The following WDR64 variants were observed in gnomAD, a reference collection of about 807,000 sequenced individuals.
The protein encoded by WDR64 is WD repeat-containing protein 64.
Under a neutral mutation model 139.3 loss-of-function variants are expected in WDR64, and 112 were observed. That is an observed-to-expected ratio of 0.80 (90% CI 0.69 to 0.94). WDR64 has a LOEUF of 0.94. Ranked by LOEUF, WDR64 falls within the 40% of genes least tolerant of loss-of-function variation. The pLI is 0.00. For synonymous variants in WDR64, 444 were observed against 437.7 expected (o/e 1.01, Z -0.18); for missense variants, 1,206 against 1,293.1 (o/e 0.93, Z 1.03).
At position 241,744,418 on chromosome 1, in the gene WDR64, A is replaced by G. The variant is rs1264103612; in HGVS notation, c.1496A>G (p.Gln499Arg). The G allele has an allele frequency of 1.9e-6, 3 of 1,614,156 alleles. No homozygotes were observed. Among genetic ancestry groups the G allele is most frequent in the Admixed American group, 3.3e-5 (2 of 60,008 alleles). ...GTATGGGAACTCGAGACTGGGCTCCAAGTATACCAGATTTTAGAACCTCAT... is the reference window on the plus strand; with the variant it reads ...GTATGGGAACTCGAGACTGGGCTCCGAGTATACCAGATTTTAGAACCTCAT... ...IRVWELETGL[Q>R]VYQILEPHGF... The change falls in exon 13 of 28, where the codon CAA becomes CGA. Residue 499 changes from glutamine to arginine, a missense_variant. Gln to Arg is a conservative substitution (Grantham distance 43, BLOSUM62 1). Coordinates refer to ENST00000437684, the MANE Select transcript of WDR64 (RefSeq NM_001367482.1).
Position 241,687,607 on chromosome 1 carries a change from A to G in WDR64, c.974+12A>G, listed in dbSNP as rs755288942. 1.2e-5 allele frequency: 20 copies of G among 1,607,304 alleles called. No individual in the cohort carries two copies. The highest frequency in any genetic ancestry group is 1.7e-4 in the Middle Eastern group (1 of 5,976). ...CTCGAGGATAATTTGTAAGTATAGT[A>G]ATTTATATACATGAACAGTCTGTGA... On this transcript the variant is annotated intron_variant, in intron 8 of 27. Coordinates refer to ENST00000437684, the MANE Select transcript of WDR64 (RefSeq NM_001367482.1).
intron 1 of WDR64, among the ~76,000 whole-genome samples, chr1:241,653,543 C>CTTTTTTTTT (rs33934176): frequency 7.3e-6 from 1 of 137,120 alleles, no homozygotes; most frequent in African/African-American, 2.7e-5. Context: ...CTTTTCTTTT[C>CTTTTTTTTT]TTTTTTTTTT....
At chr1:241,660,737 T>A in intron 2 of WDR64, 77 bp downstream of exon 2, 2 of 1,491,802 alleles carry the variant, frequency 1.3e-6, no homozygotes, top group Non-Finnish European at 1.8e-6. Flanking sequence ...TAAAACAAAG[T>A]GTTACTGCCA....
chr1:241,769,495 G>A lies in WDR64; in HGVS notation c.2173G>A (p.Glu725Lys), dbSNP rs1469826567. 1.3e-6 allele frequency: 2 copies of A among 1,551,064 alleles called. No individual in the cohort carries two copies. Among genetic ancestry groups the A allele is most frequent in the African/African-American group, 2.7e-5 (2 of 73,034 alleles). ...NDILFLFRTP[E>K]CARRSSQDSI... ...CATACTGTTCCTCTTTCGTACCCCT[G>A]AATGTGCAAGGTAACTCGTTACTTA... The change falls in exon 17 of 28, where the codon GAA becomes AAA. Residue 725 changes from glutamate to lysine, a missense_variant. Glu to Lys is a moderately conservative substitution (Grantham distance 56, BLOSUM62 1). Coordinates refer to ENST00000437684, the MANE Select transcript of WDR64 (RefSeq NM_001367482.1).
chr1:241,685,594 A>G (rs565699243), intron 7 of WDR64, among the ~76,000 whole-genome samples: 2 of 152,362 alleles, frequency 1.3e-5, no homozygotes, highest in African/African-American at 4.8e-5. Flanking sequence ...AGACATTAAA[A>G]AATGGATTAT....
chr1:241,787,271 G>A lies in WDR64; in HGVS notation c.2706-578G>A, dbSNP rs1659071071. Among the ~76,000 whole-genome samples the A allele has an allele frequency of 2.7e-5, 4 of 150,894 alleles. No homozygotes were observed. In the South Asian group the frequency reaches 8.4e-4, roughly 32 times the overall value. On this transcript the variant is annotated intron_variant, in intron 23 of 27. Transcript: ENST00000437684. ...CCCAGCTACTCGGGAGGCTGAGGCA[G>A]GAGAATGGCATGAACCCAGGAGGCG... is the stretch of plus-strand genomic sequence containing the variant.
chr1:241,698,848 C>G (rs1467018203), intron 8 of WDR64, among the ~76,000 whole-genome samples: 1 of 152,114 alleles, frequency 6.6e-6, no homozygotes, highest in Non-Finnish European at 1.5e-5. Context: ...AAGGACATAC[C>G]CAAGACTGGG....
chr1:241,686,965 T>C (rs1667026875), intron 7 of WDR64, among the ~76,000 whole-genome samples: 1 of 152,214 alleles, frequency 6.6e-6, no homozygotes, highest in African/African-American at 2.4e-5. Context: ...TTGAAGAGTC[T>C]TTTAAAGTTA....
At position 241,746,472 on chromosome 1, in the gene WDR64, G is replaced by C. The variant is rs184161944; in HGVS notation, c.1594+1956G>C. 3.2e-4 allele frequency among the ~76,000 whole-genome samples: 49 copies of C among 151,972 alleles called. 1 individual carries two copies. In the East Asian group the frequency reaches 8.9e-3, roughly 28 times the overall value. On this transcript the variant is annotated intron_variant, in intron 13 of 27. Coordinates refer to ENST00000437684, the MANE Select transcript of WDR64 (RefSeq NM_001367482.1). ...GAATGAAGTTAACAATAAAGAAAGT[G>C]TCTCCATCCATTTGAGCTGCTACAA...
At chr1:241,655,567 T>C (rs1188014448) in intron 1 of WDR64, among the ~76,000 whole-genome samples, 1 of 152,176 alleles carries the variant, frequency 6.6e-6, no homozygotes, top group East Asian at 1.9e-4. Context: ...TCAGCCCAGC[T>C]TTTCAGTCTC....
intron 8 of WDR64, among the ~76,000 whole-genome samples, chr1:241,705,409 G>A (rs998783450): frequency 6.6e-6 from 1 of 151,650 alleles, no homozygotes; most frequent in Non-Finnish European, 1.5e-5. Flanking sequence ...GGGCATGGTG[G>A]CGGGCGCCTG....
intron 2 of WDR64, among the ~76,000 whole-genome samples, chr1:241,661,088 T>C (rs1665814747): frequency 6.6e-6 from 1 of 152,140 alleles, no homozygotes; most frequent in East Asian, 1.9e-4. Flanking sequence ...CTGATCACCA[T>C]GGTATTTATT....
intron 21 of WDR64, among the ~76,000 whole-genome samples, chr1:241,778,351 T>C (rs866171308): frequency 1.3e-5 from 2 of 152,302 alleles, no homozygotes; most frequent in South Asian, 2.1e-4. Context: ...TAGCGTGGTA[T>C]ATCTTTTTCT....
intron 14 of WDR64, among the ~76,000 whole-genome samples, chr1:241,754,740 G>A (rs924304129): frequency 2.0e-5 from 3 of 151,778 alleles, no homozygotes; most frequent in African/African-American, 7.3e-5. Context: ...CCCCTGACAG[G>A]CCCCAGTGTG....
At chr1:241,789,659 T>C (rs11811142) in intron 24 of WDR64, among the ~76,000 whole-genome samples, 69,465 of 151,932 alleles carry the variant, frequency 0.46, 16,457 homozygotes, top group Middle Eastern at 0.66. Flanking sequence ...TTCTCACTTA[T>C]AAGTGGGAGC....
At chr1:241,720,119 C>A (rs1429881297) in intron 9 of WDR64, among the ~76,000 whole-genome samples, 1 of 152,204 alleles carries the variant, frequency 6.6e-6, no homozygotes, top group Non-Finnish European at 1.5e-5. Context: ...CACATCCTTG[C>A]AAAGGACATG....
At chr1:241,788,360 A>G (rs923117004) in intron 24 of WDR64, among the ~76,000 whole-genome samples, 1 of 152,126 alleles carries the variant, frequency 6.6e-6, no homozygotes, top group Non-Finnish European at 1.5e-5. Flanking sequence ...GAGAGAAGCT[A>G]TTTTCCACTT....
At chr1:241,771,947 T>TATATATAC (rs1658464404) in intron 19 of WDR64, among the ~76,000 whole-genome samples, 1 of 28,172 alleles carries the variant, frequency 3.5e-5, no homozygotes, top group African/African-American at 1.7e-4. Context: ...CATACATACA[T>TATATATAC]ATATATATAT....
intron 16 of WDR64, 146 bp from the exon 17 acceptor site, chr1:241,769,258 A>T: frequency 1.5e-6 from 1 of 653,224 alleles, no homozygotes; most frequent in South Asian, 2.2e-5. Context: ...GCTATGTTCA[A>T]ACTCTACTTC....
Sources: gnomAD v4.1 joint callset for allele counts (sites outside exome capture counted in the v4.1 genomes callset) on GRCh38, gnomAD v4.1.1 for gene constraint, MANE v1.5 for transcripts, NCBI Gene and HGNC (gene_info 2026-07-23, HGNC 2026-07-21) for gene names.